TTC34: variants seen among roughly 807,000 people sequenced by gnomAD.
The protein encoded by TTC34 is tetratricopeptide repeat protein 34.
Under a neutral mutation model 40.7 loss-of-function variants are expected in TTC34, and 44 were observed. The observed-to-expected ratio is 1.08, with a 90% confidence interval of 0.85 to 1.39. The LOEUF (loss-of-function observed/expected upper bound fraction) is 1.39. Ranked by LOEUF, TTC34 falls within the 40% of genes most tolerant of loss-of-function variation. The pLI is 0.00. For missense variants in TTC34, 884 were observed against 838.0 expected (o/e 1.05, Z -0.68); for synonymous variants, 422 against 398.6 (o/e 1.06, Z -0.70).
intron 1 of TTC34, among the ~76,000 whole-genome samples, chr1:2,801,354 C>T (rs889560887): frequency 7.9e-5 from 12 of 152,148 alleles, no homozygotes; most frequent in South Asian, 4.2e-4. Flanking sequence ...TCGAGGGGGG[C>T]GCCGAGAGCA....
At chr1:2,644,376 C>G in exon 8 of TTC34, 1 of 1,536,008 alleles carries the variant, frequency 6.5e-7, no homozygotes. Context: ...TGGCACGTCT[C>G]CCTTCTTGAG....
intron 6 of TTC34, among the ~76,000 whole-genome samples, chr1:2,697,853 TGA>T (rs1640941652): frequency 6.9e-6 from 1 of 145,428 alleles, no homozygotes; most frequent in African/African-American, 2.6e-5. Context: ...ACACTCCAGG[TGA>T]GCATCTGACA....
intron 6 of TTC34, among the ~76,000 whole-genome samples, chr1:2,656,292 A>T (rs1410498327): frequency 1.4e-5 from 2 of 146,230 alleles, no homozygotes; most frequent in African/African-American, 5.2e-5. Flanking sequence ...AAGAGCACCC[A>T]CACCCCCAGG....
Position 2,645,323 on chromosome 1 carries a change from G to T in TTC34, c.2467C>A (p.Leu823Ile). 1 of 1,509,206 alleles carries T rather than the reference G, an allele frequency of 6.6e-7. No individual in the cohort carries two copies. The highest frequency in any genetic ancestry group is 8.8e-7 in the Non-Finnish European group (1 of 1,131,272). The allele number at this position is 1,509,206 out of a possible 1,614,324, so 93.5% of individuals were successfully genotyped here. Reference sequence around the variant, plus strand: ...GCCATGAGAATGTCTGCCAGGAGGAGGTGCCAGTGCGGTTGCCCTGAGTCG... The same window carrying T: ...GCCATGAGAATGTCTGCCAGGAGGATGTGCCAGTGCGGTTGCCCTGAGTCG... The change falls in exon 7 of 9, where the codon CTC (leucine) becomes ATC (isoleucine). Residue 823 changes from leucine (L) to isoleucine (I), a missense_variant. Coordinates refer to ENST00000401095, the Ensembl canonical transcript of TTC34. This position sits in a 1 kb window ranked among gnomAD's most constrained non-coding sequence, Gnocchi z 4.7.
chr1:2,775,739 C>T lies in TTC34; in HGVS notation c.2226+7870G>A, dbSNP rs978266417. ...CAGGTAAGTGTCTGACAGCCTAGAG[C>T]GGCACCTGCACACTTAGGTAAGAAT... On this transcript the variant is annotated intron_variant, in intron 6 of 8. Coordinates refer to ENST00000401095, the Ensembl canonical transcript of TTC34. 1.8e-4 allele frequency: 26 copies of T among 146,476 alleles called. 3 individuals carry two copies. The highest frequency in any genetic ancestry group is 6.3e-4 in the African/African-American group (23 of 36,720). 9.1% of individuals were successfully genotyped at this position (146,476 alleles called of 1,614,324 possible).
chr1:2,756,973 A>G (rs1641527329), intron 6 of TTC34, among the ~76,000 whole-genome samples: 1 of 152,114 alleles, frequency 6.6e-6, no homozygotes, highest in African/African-American at 2.4e-5. Flanking sequence ...GACAGACTGG[A>G]ACAGCACCCA....
chr1:2,779,257 C>A (rs1347725728), intron 6 of TTC34, among the ~76,000 whole-genome samples: 2 of 152,170 alleles, frequency 1.3e-5, no homozygotes, highest in Non-Finnish European at 2.9e-5. Context: ...CTCTAAAAGA[C>A]CCTACTTCCA....
intron 8 of TTC34, among the ~76,000 whole-genome samples, chr1:2,643,652 C>CGG (rs200640386): frequency 6.6e-5 from 10 of 151,786 alleles, no homozygotes; most frequent in Non-Finnish European, 8.8e-5. Flanking sequence ...CTCTTCAGCT[C>CGG]GGGGGGGGCA....
rs535810559 is a variant in TTC34 at position 2,641,547 on chromosome 1, G to A, written c.3061C>T (p.Arg1021Trp). 1.2e-4 allele frequency: 183 copies of A among 1,533,774 alleles called. 1 individual carries two copies. The African/African-American group carries it at 2.3e-3, about 19-fold the overall frequency. The change falls in exon 9 of 9, where the codon CGG (arginine) becomes TGG (tryptophan). Residue 1021 changes from arginine to tryptophan, a missense_variant. Transcript: ENST00000401095. ...AGGAACATGCGTGCAGTGGGGGCCC[G>A]GCCTGGCTGCCTGCACAGGCTGTTC... is the stretch of plus-strand genomic sequence containing the variant.
At chr1:2,771,507 TG>T (rs1190320386) in intron 6 of TTC34, among the ~76,000 whole-genome samples, 1 of 79,122 alleles carries the variant, frequency 1.3e-5, no homozygotes, top group Admixed American at 1.1e-4. Flanking sequence ...TCTGACAGCC[TG>T]GAGTAGCACG....
chr1:2,690,358 A>C (rs1463082182), intron 6 of TTC34, among the ~76,000 whole-genome samples: 6 of 131,772 alleles, frequency 4.6e-5, no homozygotes, highest in African/African-American at 9.1e-5. Flanking sequence ...GAGCATCTGA[A>C]CTCATGGAGC....
intron 6 of TTC34, among the ~76,000 whole-genome samples, chr1:2,749,499 GGACA>G (rs1641248036): frequency 6.5e-5 from 1 of 15,342 alleles, no homozygotes; most frequent in Non-Finnish European, 1.1e-4. Flanking sequence ...GGTGAGCATT[GGACA>G]GCCTGGAGCA....
intron 6 of TTC34, among the ~76,000 whole-genome samples, chr1:2,693,092 A>C (rs1205001228): frequency 2.3e-4 from 18 of 78,570 alleles, no homozygotes; most frequent in East Asian, 6.2e-4. Flanking sequence ...GACAGCCTGG[A>C]GCAGCACCCA....
intron 6 of TTC34, among the ~76,000 whole-genome samples, chr1:2,685,396 C>A (rs569068588): frequency 3.5e-5 from 5 of 143,286 alleles, no homozygotes; most frequent in South Asian, 2.2e-4. Flanking sequence ...GCATCACCCA[C>A]AACCACAGGT....
chr1:2,747,941 G>A (rs1387290478), intron 6 of TTC34, among the ~76,000 whole-genome samples: 3 of 54,584 alleles, frequency 5.5e-5, no homozygotes, highest in African/African-American at 1.7e-4. Context: ...ATCTGACATC[G>A]TGGAGCAGCA....
rs1414789576 is a variant in TTC34, at chr1:2,761,022, C to T, written c.2226+22587G>A. On this transcript the variant is annotated intron_variant, in intron 6 of 8. Transcript: ENST00000401095. ...CTCACACCCAGAGGTGAGCATATGA[C>T]CACCTGGAGCAGCACCCACAGTCCC... is the stretch of plus-strand genomic sequence containing the variant. Among the ~76,000 whole-genome samples the T allele has an allele frequency of 1.1e-4, 8 of 72,582 alleles. 2 individuals carry two copies. The highest frequency in any genetic ancestry group is 1.9e-4 in the Non-Finnish European group (8 of 42,348). 47.6% of individuals were successfully genotyped at this position (72,582 alleles called of 152,430 possible). A position where few individuals can be genotyped will look rare whatever the true frequency, so the allele number is the denominator to read the frequency against.
chr1:2,782,304 CTATCT>C (rs1230568334), intron 6 of TTC34, among the ~76,000 whole-genome samples: 2 of 152,122 alleles, frequency 1.3e-5, no homozygotes, highest in Non-Finnish European at 2.9e-5. Flanking sequence ...GTTCCTATTA[CTATCT>C]TATAATTATT....
At chr1:2,681,062 A>T (rs1400445898) in intron 6 of TTC34, among the ~76,000 whole-genome samples, 1 of 71,414 alleles carries the variant, frequency 1.4e-5, no homozygotes, top group African/African-American at 4.8e-5. Context: ...CAGTGCCCAC[A>T]CACCCAGGCG....
intron 6 of TTC34, among the ~76,000 whole-genome samples, chr1:2,757,823 C>A (rs1157641999): frequency 6.7e-6 from 1 of 148,174 alleles, no homozygotes; most frequent in Non-Finnish European, 1.5e-5. Context: ...CCTGGAGCAG[C>A]ACCCACACCC....
Sources: gnomAD v4.1 joint callset for allele counts (sites outside exome capture counted in the v4.1 genomes callset) on GRCh38, gnomAD v4.1.1 for gene constraint, Gnocchi (gnomAD v3.1) non-coding constraint, MANE v1.5 for transcripts, NCBI Gene and HGNC (gene_info 2026-07-23, HGNC 2026-07-21) for gene names.